Variants in TMTC2 observed in about 807,000 individuals in gnomAD.
TMTC2 encodes the protein transmembrane O-mannosyltransferase targeting cadherins 2.
Under a neutral mutation model 82.4 loss-of-function variants are expected in TMTC2, and 43 were observed. The observed-to-expected ratio is 0.52, with a 90% CI of 0.41 to 0.67. The LOEUF (loss-of-function observed/expected upper bound fraction) is 0.67. Among genes scored for constraint, TMTC2 ranks in the 30% least tolerant of loss-of-function variants. The pLI is 0.00. For missense variants in TMTC2, 919 were observed against 1,012.4 expected (o/e 0.91, Z 1.25); for synonymous variants, 408 against 381.9 (o/e 1.07, Z -0.80).
At chr12:82,876,020 A>AGTGGTGGTGGTGGTGGTG (rs1180362854) in intron 2 of TMTC2, among the ~76,000 whole-genome samples, 1 of 75,634 alleles carries the variant, frequency 1.3e-5, no homozygotes, top group Non-Finnish European at 2.3e-5. Context: ...TAATGGTAGT[A>AGTGGTGGTGGTGGTGGTG]GTGGTGGCGG....
chr12:82,799,946 C>A (rs747001159), intron 1 of TMTC2, among the ~76,000 whole-genome samples: 1 of 151,978 alleles, frequency 6.6e-6, no homozygotes, highest in Non-Finnish European at 1.5e-5. Flanking sequence ...CAGTCAATTT[C>A]TCTGGCCTTT....
chr12:82,776,488 T>C (rs1877604617), intron 1 of TMTC2, among the ~76,000 whole-genome samples: 1 of 151,928 alleles, frequency 6.6e-6, no homozygotes, highest in Admixed American at 6.6e-5. Context: ...AAGGTATACT[T>C]GGTCAGGCAT....
At chr12:82,829,445 A>C (rs1460366739) in intron 1 of TMTC2, among the ~76,000 whole-genome samples, 1 of 152,134 alleles carries the variant, frequency 6.6e-6, no homozygotes, top group Non-Finnish European at 1.5e-5. Flanking sequence ...TTGTTTTTAG[A>C]GTGGCTTTTC....
chr12:82,979,592 C>T (rs1878832436), intron 7 of TMTC2, among the ~76,000 whole-genome samples: 1 of 151,716 alleles, frequency 6.6e-6, no homozygotes, highest in Admixed American at 6.6e-5. Context: ...TTCAATCTTT[C>T]AACTCAAGAT....
In TMTC2 at chr12:82,703,498, C is replaced by CT. The variant is rs539968079; in HGVS notation, c.83+15847dup. On this transcript the variant is annotated intron_variant, in intron 1 of 11. Coordinates refer to ENST00000321196, the MANE Select transcript of TMTC2 (RefSeq NM_152588.3). The stretch of plus-strand genomic sequence containing the variant: ...GTAATGGAAGATAGATAGTTTCTTT[C>CT]TTTTTTTTTTTTTTTTTTGAGACAG... Among the ~76,000 whole-genome samples the CT allele has an allele frequency of 6.1e-3, 740 of 121,620 alleles. 3 individuals are homozygous for CT. The highest frequency in any genetic ancestry group is 0.023 in the East Asian group (88 of 3,752). The allele number at this position is 121,620 out of a possible 152,430, so 79.8% of individuals were successfully genotyped here.
intron 1 of TMTC2, among the ~76,000 whole-genome samples, chr12:82,756,561 T>G (rs1157202649): frequency 6.6e-6 from 1 of 152,180 alleles, no homozygotes; most frequent in Non-Finnish European, 1.5e-5. Context: ...TTCCTGCCTT[T>G]GAATAATTAG....
At chr12:82,811,926 C>T (rs548956169) in intron 1 of TMTC2, among the ~76,000 whole-genome samples, 1 of 149,306 alleles carries the variant, frequency 6.7e-6, no homozygotes, top group Non-Finnish European at 1.5e-5. Flanking sequence ...AAGCAATTCT[C>T]CTGCTTCAGT....
chr12:82,748,526 C>G (rs1042220015), intron 1 of TMTC2, among the ~76,000 whole-genome samples: 2 of 152,012 alleles, frequency 1.3e-5, no homozygotes, highest in African/African-American at 4.8e-5. Flanking sequence ...ATAGTATTAA[C>G]TTTATACCTG....
chr12:83,107,932 G>A (rs993736795), intron 11 of TMTC2, among the ~76,000 whole-genome samples: 3 of 151,458 alleles, frequency 2.0e-5, no homozygotes, highest in African/African-American at 7.3e-5. Flanking sequence ...ACTGAATCAA[G>A]GGGATGGATT....
intron 10 of TMTC2, among the ~76,000 whole-genome samples, chr12:83,054,863 G>C (rs1882482709): frequency 6.6e-6 from 1 of 151,908 alleles, no homozygotes; most frequent in African/African-American, 2.4e-5. Context: ...CAATGAAAAT[G>C]GTTTGTTTCT....
At chr12:83,017,768 G>A (rs756408994) in intron 8 of TMTC2, among the ~76,000 whole-genome samples, 3 of 150,018 alleles carry the variant, frequency 2.0e-5, no homozygotes, top group Non-Finnish European at 2.9e-5. Flanking sequence ...TTTTTGAATT[G>A]CAACCAGTCA....
chr12:82,694,165 C>A (rs1230593857), intron 1 of TMTC2, among the ~76,000 whole-genome samples: 1 of 151,670 alleles, frequency 6.6e-6, no homozygotes, highest in East Asian at 1.9e-4. Flanking sequence ...TTCAAGATTC[C>A]ACATTAAAAG....
At chr12:82,943,477 A>G (rs985694886) in intron 4 of TMTC2, among the ~76,000 whole-genome samples, 7 of 152,124 alleles carry the variant, frequency 4.6e-5, no homozygotes, top group South Asian at 2.1e-4. Context: ...TTGCACTAAT[A>G]TGGTCAGTTA....
At chr12:82,690,120 G>T (rs1323030491) in intron 1 of TMTC2, among the ~76,000 whole-genome samples, 2 of 152,144 alleles carry the variant, frequency 1.3e-5, no homozygotes, top group African/African-American at 4.8e-5. Context: ...TATAAATTGT[G>T]GCTTTTCTGA....
At position 82,847,916 on chromosome 12, in the gene TMTC2, G is replaced by C. The variant is rs141475672; in HGVS notation, c.84-9094G>C. Among the ~76,000 whole-genome samples the C allele has an allele frequency of 8.2e-4, 125 of 152,132 alleles. No individual in the cohort carries two copies. In the East Asian group the frequency reaches 0.019, roughly 23 times the overall value. On this transcript the variant is annotated intron_variant, in intron 1 of 11. Transcript: ENST00000321196. ...CCTATGTATCAAGCCTGCACGTTGT[G>C]CACATGTACCCTAGAACTTAAAGTA... is the stretch of plus-strand genomic sequence containing the variant.
intron 11 of TMTC2, among the ~76,000 whole-genome samples, chr12:83,125,908 G>A (rs1273361769): frequency 6.6e-6 from 1 of 152,134 alleles, no homozygotes; most frequent in Non-Finnish European, 1.5e-5. Flanking sequence ...TTTGGTAATA[G>A]CTAGCAAAGT....
intron 8 of TMTC2, among the ~76,000 whole-genome samples, chr12:83,024,379 C>T (rs956983910): frequency 6.6e-6 from 1 of 152,186 alleles, no homozygotes; most frequent in South Asian, 2.1e-4. Flanking sequence ...TCAAACTACA[C>T]ATAAGCTTTT....
chr12:82,936,322 A>T (rs1876316009), intron 4 of TMTC2, among the ~76,000 whole-genome samples: 1 of 152,048 alleles, frequency 6.6e-6, no homozygotes, highest in African/African-American at 2.4e-5. Flanking sequence ...TAGACTTCTT[A>T]TGTATTTTTT....
chr12:82,962,362 C>A (rs1877980557), intron 4 of TMTC2, among the ~76,000 whole-genome samples: 1 of 151,866 alleles, frequency 6.6e-6, no homozygotes, highest in African/African-American at 2.4e-5. Context: ...GGGCTATTGC[C>A]ATCATTCAGG....
Sources: allele counts gnomAD v4.1 joint callset (sites outside exome capture counted in the v4.1 genomes callset), GRCh38; gene constraint gnomAD v4.1.1; transcripts MANE v1.5; gene names NCBI Gene and HGNC (gene_info 2026-07-23, HGNC 2026-07-21).